The following TOX3 variants were observed in gnomAD, a reference collection of about 807,000 sequenced individuals.
TOX3 encodes the protein CAG trinucleotide repeat-containing gene F9 protein.
In TOX3, 22 loss-of-function variants were observed where a neutral mutation model predicts 64.3. That is an observed-to-expected ratio of 0.34 (90% CI 0.24 to 0.49). The LOEUF (loss-of-function observed/expected upper bound fraction) is 0.49, where lower values mean the gene tolerates loss of function less well. Among genes scored for constraint, TOX3 ranks in the 20% least tolerant of loss-of-function variants. The pLI is 0.99. For synonymous variants in TOX3, 291 were observed against 273.6 expected (o/e 1.06, Z -0.63); for missense variants, 661 against 714.4 (o/e 0.93, Z 0.85).
chr16:52,519,428 T>C (rs1962540062), intron 1 of TOX3: 3 of 1,551,454 alleles, frequency 1.9e-6, no homozygotes, highest in Non-Finnish European at 2.6e-6. Flanking sequence ...AGTTATCAGG[T>C]AATGAAGTCT....
At chr16:52,451,779 G>T (rs1183217853) in intron 3 of TOX3, among the ~76,000 whole-genome samples, 6 of 152,146 alleles carry the variant, frequency 3.9e-5, no homozygotes, top group Non-Finnish European at 7.4e-5. Flanking sequence ...ATAAATTATG[G>T]TCTACCCATA....
intron 1 of TOX3, among the ~76,000 whole-genome samples, chr16:52,540,516 G>A (rs192261689): frequency 2.6e-5 from 4 of 152,194 alleles, no homozygotes; most frequent in East Asian, 3.9e-4. Context: ...TTATGCTCAC[G>A]TAGCAATGCC....
Position 52,439,061 on chromosome 16 carries a change from A to G in TOX3, c.*164T>C. On this transcript the variant is annotated 3_prime_UTR_variant, in exon 7 of 7. Transcript: ENST00000219746. ...GTCAGCTAAAAGATGTTACTCAGCT[A>G]CACTGCAGTTCTTATTGCCTATCTA... 2.1e-6 allele frequency: 2 copies of G among 949,006 alleles called. No individual in the cohort carries two copies. Among genetic ancestry groups the G allele is most frequent in the Non-Finnish European group, 3.3e-6 (2 of 609,106 alleles). 58.8% of individuals were successfully genotyped at this position (949,006 alleles called of 1,614,324 possible).
At chr16:52,483,564 G>GTTTTTTTTTTTTTTTTTTTTTTT (rs11304815) in intron 1 of TOX3, among the ~76,000 whole-genome samples, 1 of 99,442 alleles carries the variant, frequency 1.0e-5, no homozygotes, top group Non-Finnish European at 1.9e-5. Flanking sequence ...GGGCAGTTTG[G>GTTTTTTTTTTTTTTTTTTTTTTT]TTTTTTTTTT....
intron 2 of TOX3, 122 bp from the exon 3 acceptor site, chr16:52,464,310 T>A (rs1960789886): frequency 9.1e-7 from 1 of 1,096,704 alleles, no homozygotes; most frequent in East Asian, 2.9e-5. Context: ...AATATTTATT[T>A]CTCAAATGAA....
intron 1 of TOX3, among the ~76,000 whole-genome samples, chr16:52,474,013 C>A (rs1438337229): frequency 6.6e-6 from 1 of 152,140 alleles, no homozygotes; most frequent in Non-Finnish European, 1.5e-5. Flanking sequence ...CCCCTGAGCA[C>A]CACACTCGTA....
intron 1 of TOX3, among the ~76,000 whole-genome samples, chr16:52,479,094 C>T (rs368635962): frequency 2.0e-5 from 3 of 152,168 alleles, no homozygotes; most frequent in East Asian, 1.9e-4. Context: ...ACAGGTACTA[C>T]GTGGAGGAGG....
chr16:52,441,032 G>A (rs7196741), intron 6 of TOX3, among the ~76,000 whole-genome samples: 3,721 of 152,082 alleles, frequency 0.024, 150 homozygotes, highest in African/African-American at 0.082. Flanking sequence ...AAAGTGCTGT[G>A]ATTACAGGCG....
intron 1 of TOX3, among the ~76,000 whole-genome samples, chr16:52,528,996 A>G (rs1040635357): frequency 6.6e-6 from 1 of 152,228 alleles, no homozygotes; most frequent in African/African-American, 2.4e-5. Flanking sequence ...TGGGATTTAC[A>G]TGTGGACCAG....
In TOX3 at chr16:52,446,062, C is replaced by T. The variant is rs200878352; in HGVS notation, c.838G>A (p.Ala280Thr). 48 of 1,613,828 alleles carry T rather than the reference C, an allele frequency of 3.0e-5. No individual in the cohort carries two copies. The highest frequency in any genetic ancestry group is 4.0e-5 in the Non-Finnish European group (47 of 1,179,854). Reference sequence around the variant, plus strand: ...ATTTTTGAGACCTCTCCAAAGGTTGCATTGGGGTTTTGACCTTTAATTGCA... The same window carrying T: ...ATTTTTGAGACCTCTCCAAAGGTTGTATTGGGGTTTTGACCTTTAATTGCA... ...QAAIKGQNPN[A>T]TFGEVSKIVA... Residue 280 changes from alanine (A) to threonine (T), a missense_variant, in exon 5 of 7, where the codon GCA becomes ACA. By Grantham distance (58) the Ala-to-Thr change is moderately conservative. Around this residue, in one of 3 missense-constraint regions of TOX3, gnomAD observed 103 missense variants for 161.2 expected, o/e 0.64. Coordinates refer to ENST00000219746, the MANE Select transcript of TOX3 (RefSeq NM_001080430.4).
chr16:52,536,627 CTATATATATATA>C (rs57164139), intron 1 of TOX3, among the ~76,000 whole-genome samples: 5,851 of 34,286 alleles, frequency 0.17, 477 homozygotes, highest in East Asian at 0.31. Context: ...TAGATATACA[CTATATATATATA>C]TATATATATA....
chr16:52,480,166 C>G (rs1196171775), intron 1 of TOX3, among the ~76,000 whole-genome samples: 3 of 152,176 alleles, frequency 2.0e-5, no homozygotes, highest in African/African-American at 7.2e-5. Flanking sequence ...CAGGATCAAC[C>G]CCAGGGAGGC....
At chr16:52,546,008 G>A (rs1010102917) in intron 1 of TOX3, among the ~76,000 whole-genome samples, 2 of 152,182 alleles carry the variant, frequency 1.3e-5, no homozygotes, top group Non-Finnish European at 2.9e-5. Context: ...AAAATGAGAG[G>A]AAAGAAGCCA....
At chr16:52,485,687 A>T (rs1196038675) in intron 1 of TOX3, among the ~76,000 whole-genome samples, 1 of 152,130 alleles carries the variant, frequency 6.6e-6, no homozygotes, top group Non-Finnish European at 1.5e-5. Context: ...ATAGATGGAG[A>T]ATAAATAAGA....
intron 1 of TOX3, among the ~76,000 whole-genome samples, chr16:52,544,086 C>A (rs1963127711): frequency 6.6e-6 from 1 of 152,200 alleles, no homozygotes; most frequent in Admixed American, 6.5e-5. Flanking sequence ...TGAAATCCAT[C>A]ATTTCCCATC....
At chr16:52,491,433 C>T (rs1167514062) in intron 1 of TOX3, among the ~76,000 whole-genome samples, 3 of 152,154 alleles carry the variant, frequency 2.0e-5, no homozygotes, top group African/African-American at 7.2e-5. Flanking sequence ...CTCCTCAAAT[C>T]TGTGTTAAAT....
At chr16:52,519,399 G>T (rs923969350) in intron 1 of TOX3, 2 of 1,550,990 alleles carry the variant, frequency 1.3e-6, no homozygotes, top group Non-Finnish European at 1.7e-6. Flanking sequence ...AGAAGATTAG[G>T]TCTTACTTTC....
intron 4 of TOX3, 70 bp downstream of exon 4, chr16:52,450,207 T>A: frequency 1.3e-6 from 2 of 1,565,784 alleles, no homozygotes; most frequent in Non-Finnish European, 8.7e-7. Flanking sequence ...ACACCATGAA[T>A]GAAATTCAAA....
intron 1 of TOX3, among the ~76,000 whole-genome samples, chr16:52,488,096 T>C (rs1961578561): frequency 6.6e-6 from 1 of 152,212 alleles, no homozygotes; most frequent in Non-Finnish European, 1.5e-5. Flanking sequence ...TATGGATGTC[T>C]CTGCCTATGT....
Sources: gnomAD v4.1 joint callset for allele counts (sites outside exome capture counted in the v4.1 genomes callset) on GRCh38, gnomAD v4.1.1 for gene constraint, gnomAD v4.1.1 regional missense constraint, MANE v1.5 for transcripts, NCBI Gene and HGNC (gene_info 2026-07-23, HGNC 2026-07-21) for gene names.